EXOC6B: variants seen among roughly 807,000 people sequenced by gnomAD.
EXOC6B encodes SEC15 homolog B.
A neutral mutation model predicts 113.5 loss-of-function variants in EXOC6B; 54 were observed. That is an observed-to-expected ratio of 0.48 (90% CI 0.38 to 0.60). EXOC6B has a LOEUF of 0.60. EXOC6B is among the 20% of genes least tolerant of loss of function. The probability of loss-of-function intolerance (pLI) is 0.00; values close to 1 mark genes in which losing one functional copy is unlikely to be tolerated. For synonymous variants in EXOC6B, 357 were observed against 339.0 expected (o/e 1.05, Z -0.58); for missense variants, 797 against 977.5 (o/e 0.82, Z 2.46).
At chr2:72,186,562 T>C (rs1480860352) in intron 20 of EXOC6B, among the ~76,000 whole-genome samples, 1 of 152,056 alleles carries the variant, frequency 6.6e-6, no homozygotes, top group Non-Finnish European at 1.5e-5. Context: ...TAGGAAGCCT[T>C]TTACTATTTG....
chr2:72,226,185 T>G (rs1681224663), intron 20 of EXOC6B, among the ~76,000 whole-genome samples: 1 of 152,172 alleles, frequency 6.6e-6, no homozygotes, highest in Admixed American at 6.5e-5. Flanking sequence ...GATGATTGAA[T>G]GCAACGAGGT....
At chr2:72,321,309 T>C (rs181323416) in intron 20 of EXOC6B, among the ~76,000 whole-genome samples, 11 of 152,200 alleles carry the variant, frequency 7.2e-5, no homozygotes, top group Non-Finnish European at 1.6e-4. Context: ...CTGGGGCAGG[T>C]AGAACACCTG....
chr2:72,338,952 TAC>T (rs1168473277), intron 19 of EXOC6B, among the ~76,000 whole-genome samples: 2 of 150,304 alleles, frequency 1.3e-5, no homozygotes, highest in Admixed American at 6.6e-5. Flanking sequence ...CACATACACA[TAC>T]ACATACACAT....
intron 16 of EXOC6B, among the ~76,000 whole-genome samples, chr2:72,481,019 A>G (rs1029109248): frequency 4.6e-5 from 7 of 152,168 alleles, no homozygotes; most frequent in Admixed American, 4.6e-4. Context: ...GGTGGAGGTA[A>G]TTGAATCATG....
At chr2:72,738,086 G>C (rs371442258) in intron 2 of EXOC6B, among the ~76,000 whole-genome samples, 1 of 152,022 alleles carries the variant, frequency 6.6e-6, no homozygotes, top group East Asian at 1.9e-4. Context: ...TTAGGTGCCT[G>C]CCATTCAAAT....
At chr2:72,490,542 A>T (rs942807773) in intron 16 of EXOC6B, among the ~76,000 whole-genome samples, 1 of 152,182 alleles carries the variant, frequency 6.6e-6, no homozygotes, top group African/African-American at 2.4e-5. Flanking sequence ...TAATAAAAAA[A>T]ATCACTTTAT....
At chr2:72,292,232 G>A (rs578250331) in intron 20 of EXOC6B, among the ~76,000 whole-genome samples, 2 of 146,882 alleles carry the variant, frequency 1.4e-5, no homozygotes, top group African/African-American at 2.5e-5. Flanking sequence ...ATCCCATTAA[G>A]TGAATCTGAA....
intron 6 of EXOC6B, among the ~76,000 whole-genome samples, chr2:72,602,863 T>C (rs968515814): frequency 6.6e-6 from 1 of 152,142 alleles, no homozygotes; most frequent in African/African-American, 2.4e-5. Flanking sequence ...TGAATGAAAT[T>C]AATCACAGCC....
intron 20 of EXOC6B, among the ~76,000 whole-genome samples, chr2:72,260,591 T>C (rs1295357981): frequency 6.6e-6 from 1 of 152,162 alleles, no homozygotes; most frequent in African/African-American, 2.4e-5. Flanking sequence ...AAGAATATCA[T>C]ATAAAACACA....
At chr2:72,799,009 T>A (rs1685131708) in intron 1 of EXOC6B, among the ~76,000 whole-genome samples, 1 of 151,890 alleles carries the variant, frequency 6.6e-6, no homozygotes, top group Non-Finnish European at 1.5e-5. Context: ...GAGGCCAAGG[T>A]AGGTGAATTG....
At chr2:72,292,820 C>T (rs1012892644) in intron 20 of EXOC6B, among the ~76,000 whole-genome samples, 18 of 152,216 alleles carry the variant, frequency 1.2e-4, no homozygotes, top group African/African-American at 4.1e-4. Context: ...TTGTTTCCCA[C>T]TCAGCACAAT....
chr2:72,728,069 T>C (rs1350912562), intron 5 of EXOC6B, among the ~76,000 whole-genome samples: 1 of 152,020 alleles, frequency 6.6e-6, no homozygotes, highest in South Asian at 2.1e-4. Flanking sequence ...ACCAAAAAGT[T>C]TGACAATATA....
chr2:72,517,167 G>A (rs1006505055), intron 8 of EXOC6B, among the ~76,000 whole-genome samples: 3 of 152,138 alleles, frequency 2.0e-5, no homozygotes, highest in African/African-American at 7.2e-5. Context: ...TGCTGGTGTA[G>A]TGCAAAAGCA....
At chr2:72,654,191 C>T (rs1674428980) in intron 6 of EXOC6B, among the ~76,000 whole-genome samples, 1 of 152,034 alleles carries the variant, frequency 6.6e-6, no homozygotes. Flanking sequence ...AGGATGGTCT[C>T]GATCTCCTGA....
chr2:72,477,260 G>A (rs994228939), intron 17 of EXOC6B, among the ~76,000 whole-genome samples: 30 of 152,136 alleles, frequency 2.0e-4, no homozygotes, highest in African/African-American at 6.3e-4. Context: ...AGTCTTGATC[G>A]TATTTCTGCT....
At chr2:72,375,219 T>G (rs1409206225) in intron 19 of EXOC6B, among the ~76,000 whole-genome samples, 2 of 152,118 alleles carry the variant, frequency 1.3e-5, no homozygotes, top group Non-Finnish European at 2.9e-5. Flanking sequence ...TAAATATAAC[T>G]GGAGATTTCA....
intron 18 of EXOC6B, among the ~76,000 whole-genome samples, chr2:72,408,363 T>G (rs1479401484): frequency 6.6e-6 from 1 of 152,136 alleles, no homozygotes; most frequent in Non-Finnish European, 1.5e-5. Context: ...TGGAAAAAAC[T>G]ACTTTAAAGT....
At chr2:72,212,240 T>C (rs575282930) in intron 20 of EXOC6B, among the ~76,000 whole-genome samples, 2 of 152,298 alleles carry the variant, frequency 1.3e-5, no homozygotes, top group South Asian at 2.1e-4. Flanking sequence ...AAGGGTGTAA[T>C]GGTATCCACC....
At chr2:72,309,989 T>A (rs945091119) in intron 20 of EXOC6B, among the ~76,000 whole-genome samples, 1 of 152,222 alleles carries the variant, frequency 6.6e-6, no homozygotes, top group African/African-American at 2.4e-5. Context: ...GATGGCTGAA[T>A]AATATTCCAT....
Sources: allele counts gnomAD v4.1 joint callset (sites outside exome capture counted in the v4.1 genomes callset), GRCh38; gene constraint gnomAD v4.1.1; transcripts MANE v1.5; gene names NCBI Gene and HGNC (gene_info 2026-07-23, HGNC 2026-07-21).